The following TDRD5 variants were observed in gnomAD, a reference collection of about 807,000 sequenced individuals.
TDRD5 encodes tudor domain containing 5.
In TDRD5, 41 loss-of-function variants were observed where a neutral mutation model predicts 120.6. The observed-to-expected ratio is 0.34, with a 90% CI of 0.26 to 0.44. The LOEUF (loss-of-function observed/expected upper bound fraction) is 0.44. Among genes scored for constraint, TDRD5 ranks in the 20% least tolerant of loss-of-function variants. The pLI, the probability that TDRD5 is intolerant of heterozygous loss-of-function variation, is 1.00. For missense variants in TDRD5, 1,006 were observed against 1,221.2 expected (o/e 0.82, Z 2.63); for synonymous variants, 430 against 433.7 (o/e 0.99, Z 0.11).
chr1:179,661,495 A>T (rs1372121410), intron 14 of TDRD5, among the ~76,000 whole-genome samples: 1 of 152,042 alleles, frequency 6.6e-6, no homozygotes, highest in East Asian at 1.9e-4. Flanking sequence ...TATTGAAAAG[A>T]CAGCCAGGGA....
At chr1:179,636,301 A>G (rs1677762424) in intron 9 of TDRD5, among the ~76,000 whole-genome samples, 1 of 152,206 alleles carries the variant, frequency 6.6e-6, no homozygotes, top group South Asian at 2.1e-4. Context: ...TTTTCAGAAA[A>G]TTGTGAATAT....
intron 6 of TDRD5, 32 bp downstream of exon 6, chr1:179,621,123 T>G: frequency 6.4e-7 from 1 of 1,571,166 alleles, no homozygotes. Flanking sequence ...AACCCTAATT[T>G]TTTATGGCTT....
intron 11 of TDRD5, among the ~76,000 whole-genome samples, chr1:179,650,071 T>C (rs1382808268): frequency 6.6e-6 from 1 of 152,122 alleles, no homozygotes; most frequent in Non-Finnish European, 1.5e-5. Flanking sequence ...CTGTAAACTC[T>C]CCACCATGGG....
chr1:179,633,365 T>C (rs563923540), intron 7 of TDRD5, among the ~76,000 whole-genome samples: 1 of 152,146 alleles, frequency 6.6e-6, no homozygotes, highest in African/African-American at 2.4e-5. Context: ...ATCTTTTTTT[T>C]TTTTGAGATG....
intron 4 of TDRD5, among the ~76,000 whole-genome samples, chr1:179,597,332 C>CTTTTTTTTTTTTTTTTTTTTTTTTCT (rs945509784): frequency 1.6e-5 from 2 of 125,568 alleles, no homozygotes; most frequent in Non-Finnish European, 3.3e-5. Context: ...TTCTTTTTTT[C>CTTTTTTTTTTTTTTTTTTTTTTTTCT]TTTTTTTTTT....
chr1:179,612,522 A>G lies in TDRD5; in HGVS notation c.832-6077A>G, dbSNP rs1391557099. On this transcript the variant is annotated intron_variant, in intron 4 of 17. Coordinates refer to ENST00000444136, the MANE Select transcript of TDRD5 (RefSeq NM_001199085.3). ...CATCAGAATTTTCTGCATTGTGTGT[A>G]GTTCTAGACCACAGATTACGTTGCT... Among the ~76,000 whole-genome samples, 4 of 152,192 alleles carry G rather than the reference A, an allele frequency of 2.6e-5. No individual in the cohort carries two copies. The East Asian group carries it at 7.7e-4, about 29-fold the overall frequency.
chr1:179,601,395 G>A (rs2101919650), intron 4 of TDRD5, among the ~76,000 whole-genome samples: 2 of 152,218 alleles, frequency 1.3e-5, no homozygotes, highest in South Asian at 4.2e-4. Flanking sequence ...CACCCTATTT[G>A]TAGTCTTTTA....
chr1:179,599,438 A>G (rs79273813), intron 4 of TDRD5, among the ~76,000 whole-genome samples: 3,207 of 150,778 alleles, frequency 0.021, 94 homozygotes, highest in African/African-American at 0.072. Flanking sequence ...CATAGGATTT[A>G]TCAGTGAACC....
chr1:179,592,454 G>T, intron 1 of TDRD5, 148 bp from the exon 2 acceptor site: 1 of 622,426 alleles, frequency 1.6e-6, no homozygotes, highest in Non-Finnish European at 2.8e-6. Context: ...CCGGCCACGC[G>T]CAAGCCGCAG....
chr1:179,614,813 G>A (rs563220255), intron 4 of TDRD5, among the ~76,000 whole-genome samples: 51 of 152,016 alleles, frequency 3.4e-4, no homozygotes, highest in Middle Eastern at 6.8e-3. Context: ...TTGATGTTTC[G>A]ATGTATGTAT....
chr1:179,594,017 G>C (rs990308105), intron 3 of TDRD5, 150 bp downstream of exon 3: 207 of 1,013,584 alleles, frequency 2.0e-4, no homozygotes, highest in Non-Finnish European at 2.7e-4. Flanking sequence ...TTAAGCCTTA[G>C]TTTTCCTCAT....
chr1:179,611,393 A>G (rs1676267425), intron 4 of TDRD5, among the ~76,000 whole-genome samples: 1 of 152,232 alleles, frequency 6.6e-6, no homozygotes, highest in Admixed American at 6.5e-5. Context: ...CTAAGTGTTC[A>G]TGGTTCAGAA....
rs751161437 is a variant in TDRD5, at chr1:179,639,826, T to C, written c.1521-13T>C. 7 of 1,613,290 alleles carry C rather than the reference T, an allele frequency of 4.3e-6. No individual in the cohort carries two copies. Among genetic ancestry groups the C allele is most frequent in the South Asian group, 3.3e-5 (3 of 90,948 alleles). On this transcript the variant is annotated splice_polypyrimidine_tract_variant and intron_variant, in intron 9 of 17. Transcript: ENST00000444136. The stretch of plus-strand genomic sequence containing the variant: ...TTCCCCTATGGATTTCTCTGTATTA[T>C]GGAATTCCACAGGCGCTGTTATTCT...
chr1:179,670,795 A>G (rs1176833650), intron 17 of TDRD5, among the ~76,000 whole-genome samples: 2 of 152,136 alleles, frequency 1.3e-5, no homozygotes, highest in Non-Finnish European at 2.9e-5. Flanking sequence ...TGTTCTGTAT[A>G]CACATTCTTT....
intron 4 of TDRD5, among the ~76,000 whole-genome samples, chr1:179,608,130 T>C (rs1676078171): frequency 6.6e-6 from 1 of 152,056 alleles, no homozygotes; most frequent in African/African-American, 2.4e-5. Flanking sequence ...TTTGTCTTCG[T>C]AGTTTCTGAC....
intron 14 of TDRD5, among the ~76,000 whole-genome samples, chr1:179,655,525 G>C (rs965407288): frequency 2.7e-5 from 4 of 150,414 alleles, no homozygotes; most frequent in Admixed American, 2.0e-4. Flanking sequence ...GTGTAGATTT[G>C]TGTAACCAAC....
chr1:179,608,933 T>C (rs897033784), intron 4 of TDRD5, among the ~76,000 whole-genome samples: 2 of 152,176 alleles, frequency 1.3e-5, no homozygotes, highest in Non-Finnish European at 2.9e-5. Context: ...GACTTAATTA[T>C]GTTCTCCCTA....
chr1:179,606,561 G>A (rs1320014569), intron 4 of TDRD5, among the ~76,000 whole-genome samples: 1 of 152,026 alleles, frequency 6.6e-6, no homozygotes, highest in Non-Finnish European at 1.5e-5. Flanking sequence ...GAGTTTTATA[G>A]TTTTGAATTT....
At chr1:179,621,426 G>A (rs943058785) in intron 6 of TDRD5, among the ~76,000 whole-genome samples, 9 of 152,042 alleles carry the variant, frequency 5.9e-5, no homozygotes, top group African/African-American at 2.2e-4. Context: ...CTCTTAGGGA[G>A]CATTTTGGCA....
Sources: gnomAD v4.1 joint callset for allele counts (sites outside exome capture counted in the v4.1 genomes callset) on GRCh38, gnomAD v4.1.1 for gene constraint, MANE v1.5 for transcripts, NCBI Gene and HGNC (gene_info 2026-07-23, HGNC 2026-07-21) for gene names.